STPG2: variants seen among roughly 807,000 people sequenced by gnomAD.
STPG2 encodes the protein sperm-tail PG-rich repeat-containing protein 2.
STPG2 carries 56 observed loss-of-function variants against 54.2 expected under a neutral mutation model. The ratio of observed to expected loss-of-function variants is 1.03; its 90% CI spans 0.83 to 1.29. The LOEUF is 1.29. Ranked by LOEUF, STPG2 falls within the 50% of genes most tolerant of loss-of-function variation. The probability of loss-of-function intolerance (pLI) is 0.00; values close to 1 mark genes in which losing one functional copy is unlikely to be tolerated. For missense variants in STPG2, 596 were observed against 544.9 expected, an observed-to-expected ratio of 1.09 and a Z score of -0.93; for synonymous variants, 200 against 181.8, an observed-to-expected ratio of 1.10 and a Z score of -0.81.
chr4:97,997,496 G>A (rs1010626560), intron 5 of STPG2, among the ~76,000 whole-genome samples: 3 of 152,134 alleles, frequency 2.0e-5, no homozygotes, highest in Non-Finnish European at 4.4e-5. Context: ...TACCAAGGGG[G>A]TGGTGCTAAA....
At chr4:97,538,815 G>C (rs1429138100) in intron 4 of STPG2, among the ~76,000 whole-genome samples, 1 of 152,142 alleles carries the variant, frequency 6.6e-6, no homozygotes, top group African/African-American at 2.4e-5. Flanking sequence ...ACCCACAAAG[G>C]GAAGCACATC....
intron 9 of STPG2, among the ~76,000 whole-genome samples, chr4:97,728,320 T>C (rs1490146398): frequency 6.6e-6 from 1 of 152,012 alleles, no homozygotes; most frequent in Non-Finnish European, 1.5e-5. Flanking sequence ...ATGAGATAAT[T>C]TTGATGTCAA....
intron 8 of STPG2, among the ~76,000 whole-genome samples, chr4:97,852,338 A>C (rs1729187215): frequency 1.3e-5 from 2 of 152,262 alleles, no homozygotes; most frequent in South Asian, 2.1e-4. Flanking sequence ...GGACCATTTT[A>C]AGGTAGTGCT....
chr4:97,742,561 G>GTATATA (rs1343257333), intron 9 of STPG2, among the ~76,000 whole-genome samples: 2 of 125,526 alleles, frequency 1.6e-5, no homozygotes, highest in Non-Finnish European at 3.4e-5. Flanking sequence ...GTGTGTGTGT[G>GTATATA]TGTGTCTATA....
At chr4:97,821,078 C>T (rs1374314698) in intron 9 of STPG2, among the ~76,000 whole-genome samples, 1 of 152,116 alleles carries the variant, frequency 6.6e-6, no homozygotes. Flanking sequence ...TCCAAAGTCT[C>T]ATCTGGAGAT....
chr4:97,859,466 CTTT>C (rs70953089), intron 8 of STPG2, among the ~76,000 whole-genome samples: 8 of 129,084 alleles, frequency 6.2e-5, no homozygotes, highest in Non-Finnish European at 8.2e-5. Context: ...CTTTTCTTTT[CTTT>C]TTTTTTTTTT....
At chr4:97,849,772 C>T (rs1395352070) in intron 8 of STPG2, among the ~76,000 whole-genome samples, 2 of 151,624 alleles carry the variant, frequency 1.3e-5, no homozygotes, top group Non-Finnish European at 2.9e-5. Flanking sequence ...CAGGAAACAA[C>T]AGGTGCTGGA....
chr4:97,670,691 C>T (rs2148968862), intron 10 of STPG2, among the ~76,000 whole-genome samples: 1 of 152,284 alleles, frequency 6.6e-6, no homozygotes, highest in East Asian at 1.9e-4. Flanking sequence ...AGCTATGAAA[C>T]TTTAATATCA....
intron 9 of STPG2, among the ~76,000 whole-genome samples, chr4:97,763,182 T>C (rs762833894): frequency 8.5e-5 from 13 of 152,284 alleles, no homozygotes; most frequent in Non-Finnish European, 1.6e-4. Flanking sequence ...TACAGGAATA[T>C]TTTTTGGAAT....
intron 9 of STPG2, among the ~76,000 whole-genome samples, chr4:97,838,538 G>A (rs759754665): frequency 2.0e-4 from 30 of 150,850 alleles, no homozygotes; most frequent in Non-Finnish European, 3.6e-4. Context: ...CAAAAAAAAC[G>A]TAAAACTCTA....
intron 10 of STPG2, among the ~76,000 whole-genome samples, chr4:97,664,039 T>C (rs896629186): frequency 6.6e-6 from 1 of 152,218 alleles, no homozygotes; most frequent in Non-Finnish European, 1.5e-5. Context: ...TATATATACA[T>C]ATGGCATAGA....
intron 7 of STPG2, among the ~76,000 whole-genome samples, chr4:97,944,214 T>C (rs1279126482): frequency 6.6e-6 from 1 of 152,060 alleles, no homozygotes; most frequent in Non-Finnish European, 1.5e-5. Context: ...AAAGAATTGA[T>C]TATATGAACC....
chr4:97,778,303 G>A (rs924167514), intron 9 of STPG2, among the ~76,000 whole-genome samples: 16 of 152,148 alleles, frequency 1.1e-4, no homozygotes, highest in African/African-American at 2.4e-4. Flanking sequence ...TGCCTGGCTC[G>A]GAGGGTCCCA....
At chr4:97,835,873 G>A (rs961799283) in intron 9 of STPG2, among the ~76,000 whole-genome samples, 3 of 152,044 alleles carry the variant, frequency 2.0e-5, no homozygotes, top group Admixed American at 6.6e-5. Flanking sequence ...ATAACTGCAT[G>A]TATGGTGGAA....
At chr4:97,983,349 C>T (rs1022723755) in intron 5 of STPG2, among the ~76,000 whole-genome samples, 1 of 152,102 alleles carries the variant, frequency 6.6e-6, no homozygotes, top group Non-Finnish European at 1.5e-5. Flanking sequence ...GTAAGGCTTC[C>T]AGTTAACAAT....
chr4:97,576,962 G>T (rs149109244), intron 10 of STPG2, among the ~76,000 whole-genome samples: 29 of 152,132 alleles, frequency 1.9e-4, no homozygotes, highest in Admixed American at 2.6e-4. Context: ...CTTCTCAAAA[G>T]AAGATCTACC....
chr4:97,790,906 G>T (rs1198501527), intron 9 of STPG2, among the ~76,000 whole-genome samples: 5 of 152,128 alleles, frequency 3.3e-5, no homozygotes, highest in African/African-American at 4.8e-5. Context: ...GAACATGGAG[G>T]TTGAGGGGGA....
chr4:97,465,067 G>A (rs1729756272), intron 4 of STPG2, among the ~76,000 whole-genome samples: 1 of 152,136 alleles, frequency 6.6e-6, no homozygotes, highest in African/African-American at 2.4e-5. Context: ...TTCAGGCTAG[G>A]AGAACTTGTT....
intron 4 of STPG2, among the ~76,000 whole-genome samples, chr4:97,517,798 C>T (rs1731105410): frequency 6.6e-6 from 1 of 152,034 alleles, no homozygotes; most frequent in Non-Finnish European, 1.5e-5. Context: ...AAAGACTCAA[C>T]CCATGATTAA....
Sources: allele counts gnomAD v4.1 joint callset (sites outside exome capture counted in the v4.1 genomes callset), GRCh38; gene constraint gnomAD v4.1.1; transcripts MANE v1.5; gene names NCBI Gene and HGNC (gene_info 2026-07-23, HGNC 2026-07-21).